CDH13: variants seen among roughly 807,000 people sequenced by gnomAD.
CDH13 encodes cadherin 13, also known as cadherin-13.
In CDH13, 24 loss-of-function variants were observed where a neutral mutation model predicts 63.8. The ratio of observed to expected loss-of-function variants is 0.38; its 90% CI spans 0.27 to 0.53. CDH13 has a LOEUF of 0.53. Among genes scored for constraint, CDH13 ranks in the 20% least tolerant of loss-of-function variants. CDH13 has a pLI of 0.85. For synonymous variants in CDH13, 503 were observed against 355.3 expected (o/e 1.42, Z -4.67); for missense variants, 1,049 against 903.1 (o/e 1.16, Z -2.07).
At chr16:83,222,998 C>G (rs942630487) in intron 5 of CDH13, among the ~76,000 whole-genome samples, 1 of 152,122 alleles carries the variant, frequency 6.6e-6, no homozygotes, top group Admixed American at 6.5e-5. Context: ...CACCACCCCC[C>G]ACCCACACAC....
At chr16:83,577,191 T>C (rs1031694758) in intron 7 of CDH13, among the ~76,000 whole-genome samples, 2 of 152,200 alleles carry the variant, frequency 1.3e-5, no homozygotes, top group African/African-American at 4.8e-5. Context: ...GCAGACTCAC[T>C]TGTGAATAAT....
chr16:82,684,682 A>G (rs1489979720), intron 1 of CDH13, among the ~76,000 whole-genome samples: 1 of 152,018 alleles, frequency 6.6e-6, no homozygotes, highest in Non-Finnish European at 1.5e-5. Flanking sequence ...ACTGTTTACA[A>G]TTGCTTTTGA....
chr16:83,707,861 G>C (rs931576414), intron 10 of CDH13, among the ~76,000 whole-genome samples: 3 of 83,960 alleles, frequency 3.6e-5, no homozygotes, highest in African/African-American at 1.4e-4. Context: ...AAAAAAAAGA[G>C]CTGGGAAAGT....
intron 6 of CDH13, among the ~76,000 whole-genome samples, chr16:83,424,573 A>C (rs2071828395): frequency 6.6e-6 from 1 of 152,222 alleles, no homozygotes; most frequent in South Asian, 2.1e-4. Flanking sequence ...GCAAACTAAT[A>C]TAAATAATAT....
At chr16:83,171,549 G>A (rs1330644456) in intron 4 of CDH13, 1 of 1,534,310 alleles carries the variant, frequency 6.5e-7, no homozygotes, top group Non-Finnish European at 8.7e-7. Context: ...TCTGTGCCTA[G>A]CACGATGGCT....
intron 1 of CDH13, among the ~76,000 whole-genome samples, chr16:82,828,092 G>T (rs574808809): frequency 1.2e-3 from 188 of 152,292 alleles, no homozygotes; most frequent in Non-Finnish European, 2.2e-3. Flanking sequence ...GATGGGTTGA[G>T]TCTGATAGGC....
chr16:82,672,674 C>G (rs528602889), intron 1 of CDH13, among the ~76,000 whole-genome samples: 1 of 151,922 alleles, frequency 6.6e-6, no homozygotes, highest in Non-Finnish European at 1.5e-5. Flanking sequence ...TAATTCCATT[C>G]TCCTCACTGA....
At chr16:83,602,337 A>G (rs1907926404) in intron 7 of CDH13, 117 bp from the exon 8 acceptor site, 1 of 963,638 alleles carries the variant, frequency 1.0e-6, no homozygotes, top group Non-Finnish European at 1.7e-6. Context: ...CTCTTTAAAG[A>G]TGCCTACCCT....
intron 4 of CDH13, among the ~76,000 whole-genome samples, chr16:83,147,246 G>A (rs1490440129): frequency 2.6e-5 from 4 of 152,168 alleles, no homozygotes; most frequent in African/African-American, 7.2e-5. Flanking sequence ...GAATTGTTCC[G>A]TCTTCTGTTT....
chr16:83,026,881 C>G (rs1281780816), intron 2 of CDH13, among the ~76,000 whole-genome samples: 1 of 152,148 alleles, frequency 6.6e-6, no homozygotes, highest in East Asian at 1.9e-4. Context: ...GGCACCACCT[C>G]TGACTTCACC....
chr16:83,401,254 G>A (rs565271940), intron 6 of CDH13, among the ~76,000 whole-genome samples: 7 of 151,586 alleles, frequency 4.6e-5, no homozygotes, highest in Non-Finnish European at 7.4e-5. Flanking sequence ...CAGGAGAATC[G>A]CTTGAACCCA....
At chr16:82,955,650 G>A (rs1466336771) in intron 2 of CDH13, among the ~76,000 whole-genome samples, 2 of 152,196 alleles carry the variant, frequency 1.3e-5, no homozygotes, top group East Asian at 1.9e-4. Context: ...TGTGAATACA[G>A]TGGGGGGACA....
chr16:82,852,549 C>T (rs923416905), intron 1 of CDH13, among the ~76,000 whole-genome samples: 3 of 152,212 alleles, frequency 2.0e-5, no homozygotes, highest in African/African-American at 7.2e-5. Flanking sequence ...TTGGCCAGTG[C>T]TTAGTCACAT....
intron 1 of CDH13, among the ~76,000 whole-genome samples, chr16:82,672,450 C>T (rs957889253): frequency 8.5e-5 from 13 of 152,136 alleles, no homozygotes; most frequent in Non-Finnish European, 1.5e-5. Flanking sequence ...CTACTGGCAG[C>T]TTTAGTCCCT....
At chr16:83,083,015 A>T (rs1171513473) in intron 3 of CDH13, among the ~76,000 whole-genome samples, 4 of 152,304 alleles carry the variant, frequency 2.6e-5, no homozygotes, top group Admixed American at 6.5e-5. Flanking sequence ...ATAAGTAATA[A>T]CTTTGAGAGC....
rs141649547 is a variant in CDH13, at chr16:82,645,514, G to C, written c.45+18377G>C. ...GAGGGGAGTGGGCATCTAGTGGGCAGAGCTCAGGGATGCTGTTCAACATCC... is the reference window on the plus strand; with the variant it reads ...GAGGGGAGTGGGCATCTAGTGGGCACAGCTCAGGGATGCTGTTCAACATCC... On this transcript the variant is annotated intron_variant, in intron 1 of 13. Coordinates refer to ENST00000567109, the MANE Select transcript of CDH13 (RefSeq NM_001257.5). Among the ~76,000 whole-genome samples, 64 of 152,162 alleles carry C rather than the reference G, an allele frequency of 4.2e-4. No homozygotes were observed. The East Asian group carries it at 0.012, about 29-fold the overall frequency.
At chr16:83,372,439 C>T (rs1001837367) in intron 6 of CDH13, among the ~76,000 whole-genome samples, 4 of 152,172 alleles carry the variant, frequency 2.6e-5, no homozygotes, top group Non-Finnish European at 4.4e-5. Flanking sequence ...CTGAGTTTTT[C>T]ATGGGCCAGG....
intron 8 of CDH13, among the ~76,000 whole-genome samples, chr16:83,635,374 C>G (rs1455561807): frequency 9.4e-6 from 1 of 106,344 alleles, no homozygotes; most frequent in Non-Finnish European, 1.7e-5. Flanking sequence ...GACAGAGTCT[C>G]ACTCTGTTGC....
intron 3 of CDH13, among the ~76,000 whole-genome samples, chr16:83,040,238 G>A (rs1016788611): frequency 6.6e-6 from 1 of 152,018 alleles, no homozygotes; most frequent in South Asian, 2.1e-4. Context: ...GAATCAACAC[G>A]TGTGTATTAG....
Sources: gnomAD v4.1 joint callset for allele counts (sites outside exome capture counted in the v4.1 genomes callset) on GRCh38, gnomAD v4.1.1 for gene constraint, MANE v1.5 for transcripts, NCBI Gene and HGNC (gene_info 2026-07-23, HGNC 2026-07-21) for gene names.